The following IGF1R variants were observed in gnomAD, a reference collection of about 807,000 sequenced individuals.
The protein encoded by IGF1R is insulin-like growth factor 1 receptor.
Under a neutral mutation model 144.6 loss-of-function variants are expected in IGF1R, and 44 were observed. The observed-to-expected ratio is 0.30, with a 90% CI of 0.24 to 0.39. The LOEUF is 0.39. IGF1R is among the 10% of genes least tolerant of loss of function. The probability of loss-of-function intolerance (pLI) is 1.00; values close to 1 mark genes in which losing one functional copy is unlikely to be tolerated. For synonymous variants in IGF1R, 795 were observed against 722.8 expected (o/e 1.10, Z -1.60); for missense variants, 1,355 against 1,833.7 (o/e 0.74, Z 4.77).
intron 1 of IGF1R, among the ~76,000 whole-genome samples, chr15:98,703,728 G>C: frequency 6.6e-6 from 1 of 152,238 alleles, no homozygotes; most frequent in East Asian, 1.9e-4. Context: ...GACTGTGGAA[G>C]GGGGGCCAGA....
At chr15:98,768,639 A>G (rs1596286475) in intron 2 of IGF1R, among the ~76,000 whole-genome samples, 2 of 124,726 alleles carry the variant, frequency 1.6e-5, no homozygotes, top group Admixed American at 8.5e-5. Context: ...AATGCCCACA[A>G]CTGGGCATGG....
Position 98,911,342 on chromosome 15 carries a change from C to T in IGF1R, c.1490C>T (p.Ser497Phe). Residue 497 changes from serine (S) to phenylalanine (F), a missense_variant, in exon 7 of 21, where the codon TCC becomes TTC. By Grantham distance (155) the Ser-to-Phe change is radical. Coordinates refer to ENST00000650285, the MANE Select transcript of IGF1R (RefSeq NM_000875.5). Reference protein sequence around the residue: ...SCESDVLHFTSTTTSKNRIII... With the variant: ...SCESDVLHFTFTTTSKNRIII... ...GAAAGTGACGTCCTGCATTTCACCT[C>T]CACCACCACGTCGAAGAATCGCATC... 1 of 1,614,158 alleles carries T rather than the reference C, an allele frequency of 6.2e-7. No individual in the cohort carries two copies. Among genetic ancestry groups the T allele is most frequent in the Non-Finnish European group, 8.5e-7 (1 of 1,180,010 alleles).
intron 2 of IGF1R, among the ~76,000 whole-genome samples, chr15:98,850,221 T>C (rs7176181): frequency 6.6e-6 from 1 of 152,168 alleles, no homozygotes; most frequent in East Asian, 1.9e-4. Context: ...AAGGTCTGTG[T>C]GATAGTAGCT....
intron 2 of IGF1R, among the ~76,000 whole-genome samples, chr15:98,879,504 A>AG (rs1311739266): frequency 1.3e-5 from 2 of 152,192 alleles, no homozygotes; most frequent in Non-Finnish European, 2.9e-5. Context: ...CTCGGAGCAG[A>AG]GGGGAGGCAC....
At chr15:98,898,335 T>C (rs2014306472) in intron 4 of IGF1R, among the ~76,000 whole-genome samples, 1 of 152,230 alleles carries the variant, frequency 6.6e-6, no homozygotes. Context: ...TATGAAGGGA[T>C]TGGTACATAT....
chr15:98,779,312 C>T (rs1365771566), intron 2 of IGF1R, among the ~76,000 whole-genome samples: 4 of 152,308 alleles, frequency 2.6e-5, no homozygotes, highest in Admixed American at 2.6e-4. Flanking sequence ...TAAAATTTAG[C>T]TTTTAAAAAT....
chr15:98,778,760 G>C (rs2055782134), intron 2 of IGF1R, among the ~76,000 whole-genome samples: 2 of 152,222 alleles, frequency 1.3e-5, no homozygotes, highest in Admixed American at 6.5e-5. Context: ...CCTGGTAGTG[G>C]TGCTAGTGGC....
rs1481039914 is a variant in IGF1R, at chr15:98,707,544, C to T, written c.95-18C>T. ...ATTTCCTTCTAACTGAGACGTTTAC[C>T]CTCTTGTCTCCCTTCAGTCTGCGGG... is the stretch of plus-strand genomic sequence containing the variant. On this transcript the variant is annotated intron_variant, in intron 1 of 20. Transcript: ENST00000650285. The surrounding 1 kb of genome is among the most constrained non-coding windows in gnomAD (Gnocchi z 6.7). 4 of 1,613,172 alleles carry T rather than the reference C, an allele frequency of 2.5e-6. No homozygotes were observed. The highest frequency in any genetic ancestry group is 3.4e-6 in the Non-Finnish European group (4 of 1,179,368).
intron 5 of IGF1R, among the ~76,000 whole-genome samples, chr15:98,905,340 T>C (rs1255703675): frequency 1.3e-5 from 2 of 151,988 alleles, no homozygotes; most frequent in Admixed American, 6.5e-5. Flanking sequence ...CTGGATATCA[T>C]AGAGCACATG....
chr15:98,669,216 T>G lies in IGF1R; in HGVS notation c.94+19541T>G, dbSNP rs542856097. 3.3e-5 allele frequency among the ~76,000 whole-genome samples: 5 copies of G among 152,306 alleles called. No individual in the cohort carries two copies. The East Asian group carries it at 5.8e-4, about 18-fold the overall frequency. ...CGGATTGGGCTTCCTGAGAGCCTGG[T>G]TAGCCCCTTTTATCTGCTCTCTGAA... On this transcript the variant is annotated intron_variant, in intron 1 of 20. Transcript: ENST00000650285.
intron 1 of IGF1R, among the ~76,000 whole-genome samples, chr15:98,650,074 C>T (rs1205696314): frequency 6.6e-6 from 1 of 152,266 alleles, no homozygotes; most frequent in Admixed American, 6.5e-5. Flanking sequence ...AGCGCTGATC[C>T]CCTGCGGCGC....
Position 98,936,614 on chromosome 15 carries a change from A to ATT in IGF1R, c.3297+1202_3297+1203dup, listed in dbSNP as rs11379462. On this transcript the variant is annotated intron_variant, in intron 17 of 20. Transcript: ENST00000650285. ...TTTTGCTGTTCTTCATTTGGGCTTA[A>ATT]TTTTTTTTTTTTTTTAATGTTCTTT... is the stretch of plus-strand genomic sequence containing the variant. 4.6e-3 allele frequency among the ~76,000 whole-genome samples: 656 copies of ATT among 142,578 alleles called. 6 individuals carry two copies. Among genetic ancestry groups the ATT allele is most frequent in the Admixed American group, 0.019 (283 of 14,522 alleles). 93.5% of individuals were successfully genotyped at this position (142,578 alleles called of 152,430 possible).
rs1178228490 is a variant in IGF1R at position 98,924,668 on chromosome 15, C to T, written c.2766C>T (p.Phe922=). 6.2e-7 allele frequency: 1 copy of T among 1,614,084 alleles called. No homozygotes were observed. Among genetic ancestry groups the T allele is most frequent in the African/African-American group, 1.3e-5 (1 of 75,008 alleles). The part of the protein sequence containing the change: ...GNGSWTDPVF[F]YVQAKTGYEN... ...GGTCGTGGACAGATCCTGTGTTCTT[C>T]TATGTCCAGGCCAAAAGTAAGGCTT... The change falls in exon 13 of 21, where the codon TTC becomes TTT. Residue 922 remains phenylalanine (F), a synonymous_variant. Transcript: ENST00000650285.
intron 9 of IGF1R, chr15:98,916,435 T>A: frequency 1.8e-6 from 1 of 568,988 alleles, no homozygotes; most frequent in Non-Finnish European, 3.1e-6. Context: ...CTAATTTTTG[T>A]ATTTTTAGTA....
intron 2 of IGF1R, among the ~76,000 whole-genome samples, chr15:98,748,453 G>C (rs887415603): frequency 6.6e-6 from 1 of 152,198 alleles, no homozygotes; most frequent in Non-Finnish European, 1.5e-5. Context: ...GGGATTACAG[G>C]CGTGAGCCAC....
At chr15:98,883,188 T>A (rs1388075484) in intron 2 of IGF1R, among the ~76,000 whole-genome samples, 3 of 152,214 alleles carry the variant, frequency 2.0e-5, no homozygotes, top group Non-Finnish European at 4.4e-5. Context: ...CGCTTGCCAC[T>A]TGAACTTTCT....
intron 13 of IGF1R, among the ~76,000 whole-genome samples, chr15:98,926,047 A>G (rs1275599727): frequency 6.6e-6 from 1 of 152,258 alleles, no homozygotes; most frequent in African/African-American, 2.4e-5. Flanking sequence ...CACAGTGGCC[A>G]AGACATGGAA....
At chr15:98,688,753 T>G (rs769534787) in intron 1 of IGF1R, among the ~76,000 whole-genome samples, 5 of 152,190 alleles carry the variant, frequency 3.3e-5, no homozygotes, top group African/African-American at 1.2e-4. Context: ...TAGATGGGGT[T>G]CAGAGGGCCT....
chr15:98,751,499 T>C (rs2055010527), intron 2 of IGF1R, among the ~76,000 whole-genome samples: 1 of 152,218 alleles, frequency 6.6e-6, no homozygotes, highest in Non-Finnish European at 1.5e-5. Context: ...TTAATGGTAG[T>C]GTAAAGTGAC....
Sources: gnomAD v4.1 joint callset for allele counts (sites outside exome capture counted in the v4.1 genomes callset) on GRCh38, gnomAD v4.1.1 for gene constraint, Gnocchi (gnomAD v3.1) non-coding constraint, MANE v1.5 for transcripts, NCBI Gene and HGNC (gene_info 2026-07-23, HGNC 2026-07-21) for gene names.